TBL1XR1: variants seen among roughly 807,000 people sequenced by gnomAD.
The protein encoded by TBL1XR1 is F-box-like/WD repeat-containing protein TBL1XR1.
A neutral mutation model predicts 66.9 loss-of-function variants in TBL1XR1; 5 were observed. That is an observed-to-expected ratio of 0.07 (90% CI 0.04 to 0.16). The LOEUF (loss-of-function observed/expected upper bound fraction) is 0.16. Among genes scored for constraint, TBL1XR1 ranks in the 10% least tolerant of loss-of-function variants. TBL1XR1 has a pLI of 1.00. For synonymous variants in TBL1XR1, 210 were observed against 206.0 expected, an observed-to-expected ratio of 1.02 and a Z score of -0.17; for missense variants, 238 against 623.2, an observed-to-expected ratio of 0.38 and a Z score of 6.58.
chr3:177,110,708 G>C (rs1725449460), intron 1 of TBL1XR1: 1 of 152,126 alleles, frequency 6.6e-6, no homozygotes, highest in South Asian at 2.1e-4. Context: ...TTCTAGATAT[G>C]AATAAGAATT....
chr3:177,030,756 A>G (rs2108397806), intron 14 of TBL1XR1, among the ~76,000 whole-genome samples: 1 of 152,372 alleles, frequency 6.6e-6, no homozygotes, highest in Non-Finnish European at 1.5e-5. Context: ...CATGGAAATG[A>G]TATTATTTAG....
intron 1 of TBL1XR1, among the ~76,000 whole-genome samples, chr3:177,155,800 A>G (rs1389109063): frequency 6.6e-6 from 1 of 152,198 alleles, no homozygotes; most frequent in Non-Finnish European, 1.5e-5. Flanking sequence ...CCCTGAGGTC[A>G]GGAGTTCGAG....
chr3:177,079,738 A>G (rs1389633463), intron 2 of TBL1XR1: 1 of 151,952 alleles, frequency 6.6e-6, no homozygotes, highest in East Asian at 1.9e-4. Flanking sequence ...GAAAAGGAAA[A>G]TAAGAGTTAG....
At chr3:177,115,670 T>G (rs1046792222) in intron 1 of TBL1XR1, among the ~76,000 whole-genome samples, 2 of 152,178 alleles carry the variant, frequency 1.3e-5, no homozygotes, top group Non-Finnish European at 2.9e-5. Context: ...TTTTAATGCA[T>G]CCCAAAATTT....
chr3:177,087,227 TA>T (rs10713492), intron 2 of TBL1XR1, among the ~76,000 whole-genome samples: 46,844 of 149,896 alleles, frequency 0.31, 7,693 homozygotes, highest in East Asian at 0.58. Context: ...CTTTTTTATT[TA>T]AAAAAAAAAT....
At chr3:177,127,941 G>A (rs1158819351) in intron 1 of TBL1XR1, among the ~76,000 whole-genome samples, 4 of 152,100 alleles carry the variant, frequency 2.6e-5, no homozygotes, top group Non-Finnish European at 5.9e-5. Context: ...AAAACGGGCC[G>A]GGCGCAGTGG....
intron 1 of TBL1XR1, among the ~76,000 whole-genome samples, chr3:177,134,683 C>T (rs1014922306): frequency 6.6e-6 from 1 of 152,040 alleles, no homozygotes; most frequent in African/African-American, 2.4e-5. Flanking sequence ...TTTTTAAATA[C>T]GGAATACATC....
chr3:177,139,568 T>G (rs1427368037), intron 1 of TBL1XR1, among the ~76,000 whole-genome samples: 2 of 150,500 alleles, frequency 1.3e-5, no homozygotes, highest in African/African-American at 4.9e-5. Flanking sequence ...CATAAAAATC[T>G]CAACTGTGTA....
At chr3:177,071,517 A>C (rs572468098) in intron 2 of TBL1XR1, among the ~76,000 whole-genome samples, 2 of 152,274 alleles carry the variant, frequency 1.3e-5, no homozygotes, top group South Asian at 4.1e-4. Flanking sequence ...AATTCTCTGG[A>C]AGGGCTAGAG....
chr3:177,197,754 C>G (rs1295674332), upstream of TBL1XR1, among the ~76,000 whole-genome samples: 1 of 146,730 alleles, frequency 6.8e-6, no homozygotes, highest in Non-Finnish European at 1.5e-5. Flanking sequence ...CCGGCCCGCT[C>G]TGGCGGCACT....
At chr3:177,132,582 T>TA (rs1041259795) in intron 1 of TBL1XR1, among the ~76,000 whole-genome samples, 2 of 152,026 alleles carry the variant, frequency 1.3e-5, no homozygotes, top group Non-Finnish European at 2.9e-5. Flanking sequence ...TAACAGTGGT[T>TA]AAAAAAATAA....
intron 3 of TBL1XR1, among the ~76,000 whole-genome samples, chr3:177,055,895 A>G (rs947932564): frequency 6.6e-6 from 1 of 152,240 alleles, no homozygotes; most frequent in Non-Finnish European, 1.5e-5. Flanking sequence ...GATACTGTGT[A>G]CACACATATA....
At chr3:177,128,429 A>G (rs1577249099) in intron 1 of TBL1XR1, among the ~76,000 whole-genome samples, 1 of 152,248 alleles carries the variant, frequency 6.6e-6, no homozygotes, top group East Asian at 1.9e-4. Flanking sequence ...GCTGGAGTGC[A>G]GTGGCACAAA....
intron 1 of TBL1XR1, among the ~76,000 whole-genome samples, chr3:177,133,144 G>A (rs1003896132): frequency 2.6e-5 from 4 of 151,988 alleles, no homozygotes; most frequent in Admixed American, 1.3e-4. Flanking sequence ...AAAACTAGCC[G>A]GGCATGGTGG....
rs113382544 is a variant in TBL1XR1, at chr3:177,098,820, A to G, written c.-121-279T>C. Among the ~76,000 whole-genome samples, 4 of 152,304 alleles carry G rather than the reference A, an allele frequency of 2.6e-5. 1 individual carries two copies. Among genetic ancestry groups the G allele is most frequent in the African/African-American group, 9.6e-5 (4 of 41,564 alleles). ...AAGTGGTCTCACCACCAGGCAACTC[A>G]ACTCATGTAAATATTATTGCATTAC... On this transcript the variant is annotated intron_variant, in intron 1 of 15. Transcript: ENST00000457928.
intron 1 of TBL1XR1, among the ~76,000 whole-genome samples, chr3:177,183,154 C>T (rs1044059636): frequency 1.3e-5 from 2 of 152,084 alleles, no homozygotes. Flanking sequence ...TTCAGAACGT[C>T]GACGTTTCTG....
At chr3:177,113,973 T>C (rs1428621350) in intron 1 of TBL1XR1, among the ~76,000 whole-genome samples, 1 of 152,124 alleles carries the variant, frequency 6.6e-6, no homozygotes, top group Non-Finnish European at 1.5e-5. Flanking sequence ...ATAACCACCA[T>C]ATGATCCAGC....
intron 2 of TBL1XR1, among the ~76,000 whole-genome samples, chr3:177,066,161 T>TA (rs1381577143): frequency 3.9e-5 from 6 of 152,108 alleles, no homozygotes; most frequent in Admixed American, 6.6e-5. Flanking sequence ...GCAGATTTTT[T>TA]AAAAAAATCA....
chr3:177,059,118 G>A (rs1046516561), intron 3 of TBL1XR1, among the ~76,000 whole-genome samples: 1 of 152,122 alleles, frequency 6.6e-6, no homozygotes, highest in Non-Finnish European at 1.5e-5. Context: ...CAGACTGAAG[G>A]CGGACATACC....
Sources: gnomAD v4.1 joint callset for allele counts (sites outside exome capture counted in the v4.1 genomes callset) on GRCh38, gnomAD v4.1.1 for gene constraint, MANE v1.5 for transcripts, NCBI Gene and HGNC (gene_info 2026-07-23, HGNC 2026-07-21) for gene names.